WWOX: variants seen among roughly 807,000 people sequenced by gnomAD.
WWOX encodes WW domain containing oxidoreductase, also known as WW domain-containing oxidoreductase.
Under a neutral mutation model 46.2 loss-of-function variants are expected in WWOX, and 69 were observed. That is an observed-to-expected ratio of 1.49 (90% CI 1.23 to 1.82). The LOEUF is 1.82. Ranked by LOEUF, WWOX falls within the 40% of genes most tolerant of loss-of-function variation. The probability of loss-of-function intolerance (pLI) is 0.00; values close to 1 mark genes in which losing one functional copy is unlikely to be tolerated. For missense variants in WWOX, 919 were observed against 542.6 expected (o/e 1.69, Z -6.89); for synonymous variants, 359 against 202.6 (o/e 1.77, Z -6.56).
chr16:78,202,650 G>C (rs2036267631), intron 5 of WWOX, among the ~76,000 whole-genome samples: 1 of 152,102 alleles, frequency 6.6e-6, no homozygotes. Flanking sequence ...CATTCGACTG[G>C]AGTACCAGGA....
intron 6 of WWOX, among the ~76,000 whole-genome samples, chr16:78,405,212 A>G (rs1378116010): frequency 1.3e-5 from 2 of 152,208 alleles, no homozygotes; most frequent in Non-Finnish European, 2.9e-5. Context: ...AAGAAGTTGC[A>G]AATGGTGCAT....
At chr16:78,471,812 A>G (rs2738681) in intron 8 of WWOX, among the ~76,000 whole-genome samples, 51,681 of 152,120 alleles carry the variant, frequency 0.34, 11,982 homozygotes, top group African/African-American at 0.67. Context: ...GAGTGGTGTC[A>G]TATCATGAAG....
At chr16:79,175,050 C>T (rs1433599449) in intron 8 of WWOX, among the ~76,000 whole-genome samples, 1 of 152,168 alleles carries the variant, frequency 6.6e-6, no homozygotes, top group Admixed American at 6.5e-5. Context: ...ATTATCCCAC[C>T]AATCTCTGCC....
At chr16:78,541,710 A>G (rs1426764002) in intron 8 of WWOX, among the ~76,000 whole-genome samples, 1 of 151,914 alleles carries the variant, frequency 6.6e-6, no homozygotes, top group Non-Finnish European at 1.5e-5. Context: ...GTTCCCCTCC[A>G]GGTCCTTATC....
At chr16:78,401,965 C>T (rs977533336) in intron 6 of WWOX, among the ~76,000 whole-genome samples, 3 of 152,272 alleles carry the variant, frequency 2.0e-5, no homozygotes, top group African/African-American at 7.2e-5. Context: ...TCCCAAAGTG[C>T]TGGGATTACA....
intron 8 of WWOX, among the ~76,000 whole-genome samples, chr16:79,162,574 G>A (rs13329828): frequency 0.029 from 4,449 of 152,250 alleles, 218 homozygotes; most frequent in African/African-American, 0.1. Context: ...CCCTTGGGGC[G>A]GAGACCTTAG....
intron 8 of WWOX, among the ~76,000 whole-genome samples, chr16:79,104,049 G>GA (rs1310600641): frequency 4.9e-5 from 5 of 102,866 alleles, no homozygotes; most frequent in African/African-American, 7.3e-5. Flanking sequence ...GGGGGGGGGG[G>GA]GCGGGTGGTG....
rs2047597329 is a variant in WWOX at position 78,676,275 on chromosome 16, C to G, written c.1056+243523C>G. On this transcript the variant is annotated intron_variant, in intron 8 of 8. Coordinates refer to ENST00000566780, the MANE Select transcript of WWOX (RefSeq NM_016373.4). ...CCGAAACAAAACACAGAAAATTAAC[C>G]TGCTACCATCCTCTAAAGAAGCGAG... 1.3e-5 allele frequency among the ~76,000 whole-genome samples: 2 copies of G among 152,028 alleles called. 1 individual carries two copies.
intron 5 of WWOX, among the ~76,000 whole-genome samples, chr16:78,218,706 G>A (rs763750955): frequency 2.0e-5 from 3 of 152,222 alleles, no homozygotes; most frequent in Admixed American, 1.3e-4. Flanking sequence ...GGGAAAGCAC[G>A]ACTTTGGGGC....
intron 5 of WWOX, among the ~76,000 whole-genome samples, chr16:78,240,161 T>G (rs1159532130): frequency 6.6e-6 from 1 of 151,968 alleles, no homozygotes; most frequent in African/African-American, 2.4e-5. Context: ...GGGCCCTAAA[T>G]CCAATGACGG....
chr16:78,256,149 C>CAAAAAAA (rs10557567), intron 5 of WWOX, among the ~76,000 whole-genome samples: 2 of 65,468 alleles, frequency 3.1e-5, no homozygotes, highest in Non-Finnish European at 5.6e-5. Flanking sequence ...GACTCCATCT[C>CAAAAAAA]AAAAAAAAAA....
At chr16:78,223,252 G>A (rs923325170) in intron 5 of WWOX, among the ~76,000 whole-genome samples, 1 of 152,130 alleles carries the variant, frequency 6.6e-6, no homozygotes, top group Non-Finnish European at 1.5e-5. Flanking sequence ...AGGAGAATAG[G>A]CTGCTATTAG....
chr16:78,860,694 G>A (rs1464962587), intron 8 of WWOX, among the ~76,000 whole-genome samples: 2 of 152,214 alleles, frequency 1.3e-5, no homozygotes, highest in East Asian at 1.9e-4. Flanking sequence ...CTTCCTGTTA[G>A]CAGTGCCAAC....
At position 79,212,127 on chromosome 16, in the gene WWOX, T is replaced by C. The variant is rs1435059865; in HGVS notation, c.*331T>C. ...TTCTCTTTCTTTTACTGTTATAGAATAGCCTGAGGTCCCCTCGTCCCATCC... is the reference window on the plus strand; with the variant it reads ...TTCTCTTTCTTTTACTGTTATAGAACAGCCTGAGGTCCCCTCGTCCCATCC... On this transcript the variant is annotated 3_prime_UTR_variant, in exon 9 of 9. Coordinates refer to ENST00000566780, the MANE Select transcript of WWOX (RefSeq NM_016373.4). 1 of 1,531,192 alleles carries C rather than the reference T, an allele frequency of 6.5e-7. No homozygotes were observed. The highest frequency in any genetic ancestry group is 2.0e-5 in the Admixed American group (1 of 50,376). The allele number at this position is 1,531,192 out of a possible 1,614,324, so 94.9% of individuals were successfully genotyped here.
chr16:78,544,654 C>G (rs1278437994), intron 8 of WWOX, among the ~76,000 whole-genome samples: 1 of 152,160 alleles, frequency 6.6e-6, no homozygotes, highest in African/African-American at 2.4e-5. Context: ...GAGAGGATAA[C>G]TTGAGTCCGG....
intron 8 of WWOX, among the ~76,000 whole-genome samples, chr16:78,698,176 A>T (rs1218094805): frequency 6.6e-6 from 1 of 152,182 alleles, no homozygotes; most frequent in Non-Finnish European, 1.5e-5. Flanking sequence ...CCTTTGTCAA[A>T]GAGAGACACA....
chr16:79,187,752 G>A (rs2051046740), intron 8 of WWOX, among the ~76,000 whole-genome samples: 2 of 152,218 alleles, frequency 1.3e-5, no homozygotes, highest in East Asian at 3.9e-4. Context: ...ATGTTGGCCA[G>A]GCTGGTCTCG....
chr16:78,756,826 C>G (rs1396076911), intron 8 of WWOX: 1 of 663,028 alleles, frequency 1.5e-6, no homozygotes, highest in South Asian at 1.7e-5. Flanking sequence ...ACACCTAATA[C>G]TACTGACCTG....
intron 5 of WWOX, chr16:78,355,546 C>A: frequency 2.4e-6 from 1 of 419,304 alleles, no homozygotes; most frequent in Non-Finnish European, 4.7e-6. Context: ...ACAACGTAGA[C>A]CAGCAGCAAA....
Sources: allele counts gnomAD v4.1 joint callset (sites outside exome capture counted in the v4.1 genomes callset), GRCh38; gene constraint gnomAD v4.1.1; transcripts MANE v1.5; gene names NCBI Gene and HGNC (gene_info 2026-07-23, HGNC 2026-07-21).